The following RALGPS1 variants were observed in gnomAD, a reference collection of about 807,000 sequenced individuals.
RALGPS1 encodes the protein Ral GEF with PH domain and SH3 binding motif 1.
RALGPS1 carries 19 observed loss-of-function variants against 78.8 expected under a neutral mutation model. That is an observed-to-expected ratio of 0.24 (90% CI 0.17 to 0.35). The LOEUF is 0.35. Ranked by LOEUF, RALGPS1 falls within the 10% of genes least tolerant of loss-of-function variation. The pLI is 1.00. For synonymous variants in RALGPS1, 228 were observed against 256.3 expected (o/e 0.89, Z 1.06); for missense variants, 454 against 688.3 (o/e 0.66, Z 3.81).
At position 127,091,990 on chromosome 9, in the gene RALGPS1, C is replaced by A; in HGVS notation, c.610+22634C>A. The A allele has an allele frequency of 6.3e-7, 1 of 1,590,966 alleles. No homozygotes were observed. Among genetic ancestry groups the A allele is most frequent in the Non-Finnish European group, 8.6e-7 (1 of 1,166,824 alleles). On this transcript the variant is annotated intron_variant, in intron 8 of 18. Transcript: ENST00000259351. The surrounding 1 kb of genome is among the most constrained non-coding windows in gnomAD (Gnocchi z 4.3). ...AATGTGGAGCCTGCAGCACCTGCAG[C>A]CAGCAGGCTTGGCTGTCAGACACTC...
chr9:127,044,265 T>C (rs910003579), intron 5 of RALGPS1, among the ~76,000 whole-genome samples: 11 of 152,120 alleles, frequency 7.2e-5, no homozygotes, highest in African/African-American at 2.7e-4. Context: ...TTTTTTTTTT[T>C]CTTTTTTTGA....
At chr9:126,968,043 G>A (rs147651691) in intron 3 of RALGPS1, among the ~76,000 whole-genome samples, 297 of 139,396 alleles carry the variant, frequency 2.1e-3, no homozygotes, top group African/African-American at 7.4e-3. Context: ...TCGCTCTGTC[G>A]CCAGGCTGGA....
chr9:127,181,655 T>C (rs1272998263), intron 11 of RALGPS1, among the ~76,000 whole-genome samples: 1 of 152,130 alleles, frequency 6.6e-6, no homozygotes, highest in Non-Finnish European at 1.5e-5. Context: ...TCTAATCTCC[T>C]TGTTACAACC....
intron 5 of RALGPS1, among the ~76,000 whole-genome samples, chr9:127,049,303 T>C (rs2048086184): frequency 1.3e-5 from 2 of 152,170 alleles, no homozygotes; most frequent in South Asian, 4.1e-4. Context: ...GTGAGTCAGC[T>C]CCACTCTGGT....
At chr9:127,039,868 G>A (rs945971354) in intron 5 of RALGPS1, among the ~76,000 whole-genome samples, 1 of 152,144 alleles carries the variant, frequency 6.6e-6, no homozygotes, top group African/African-American at 2.4e-5. Flanking sequence ...AGAGAGAGCT[G>A]ACTCTGGAAA....
At chr9:127,107,397 C>T in intron 8 of RALGPS1, among the ~76,000 whole-genome samples, 1 of 152,210 alleles carries the variant, frequency 6.6e-6, no homozygotes, top group East Asian at 1.9e-4. Flanking sequence ...TAGACAGCAG[C>T]AGACTCTAGG....
intron 4 of RALGPS1, among the ~76,000 whole-genome samples, chr9:127,024,035 T>G (rs1316742257): frequency 5.2e-5 from 1 of 19,156 alleles, no homozygotes; most frequent in Non-Finnish European, 7.6e-5. Context: ...AGACTCTGTC[T>G]CAAAAAAAAA....
intron 4 of RALGPS1, among the ~76,000 whole-genome samples, chr9:127,002,401 G>A (rs770836081): frequency 6.7e-6 from 1 of 149,568 alleles, no homozygotes; most frequent in South Asian, 2.1e-4. Flanking sequence ...TTCTGGTTTG[G>A]AGCTATTATG....
intron 14 of RALGPS1, among the ~76,000 whole-genome samples, chr9:127,208,566 A>G (rs1215721284): frequency 6.6e-6 from 1 of 152,022 alleles, no homozygotes; most frequent in Admixed American, 6.6e-5. Context: ...GGTGCTTTAC[A>G]CAAAGCTTCG....
At chr9:127,016,218 C>T (rs74481945) in intron 4 of RALGPS1, among the ~76,000 whole-genome samples, 46 of 152,278 alleles carry the variant, frequency 3.0e-4, no homozygotes, top group Non-Finnish European at 5.1e-4. Context: ...CTGTCTCTCT[C>T]GGACTCAACC....
intron 1 of RALGPS1, among the ~76,000 whole-genome samples, chr9:126,953,583 A>C (rs1417499230): frequency 1.3e-5 from 2 of 152,168 alleles, no homozygotes; most frequent in Non-Finnish European, 2.9e-5. Flanking sequence ...AGTTTAATTT[A>C]TCTCTCTGAG....
rs1445813863 is a variant in RALGPS1 at position 126,964,722 on chromosome 9, C to T, written c.58-1122C>T. Among the ~76,000 whole-genome samples the T allele has an allele frequency of 6.7e-5, 10 of 150,364 alleles. 1 individual carries two copies. The highest frequency in any genetic ancestry group is 5.3e-4 in the Admixed American group (8 of 15,062). On this transcript the variant is annotated intron_variant, in intron 2 of 18. Transcript: ENST00000259351. ...AAATCTTTTGATGACACAGGCCTAT[C>T]GAAATCTGCAGGTTTAAGTTCCTGC...
chr9:126,968,924 T>C (rs2039808493), intron 3 of RALGPS1, among the ~76,000 whole-genome samples: 1 of 152,136 alleles, frequency 6.6e-6, no homozygotes, highest in Admixed American at 6.5e-5. Flanking sequence ...GGTGCATGCC[T>C]GTAATCCCAG....
At chr9:127,055,882 G>A (rs1297341811) in intron 7 of RALGPS1, among the ~76,000 whole-genome samples, 1 of 152,210 alleles carries the variant, frequency 6.6e-6, no homozygotes, top group Non-Finnish European at 1.5e-5. Flanking sequence ...AGGCCTTTGG[G>A]TCTCTGTCTT....
chr9:127,006,149 A>G (rs942578219), intron 4 of RALGPS1, among the ~76,000 whole-genome samples: 1 of 152,248 alleles, frequency 6.6e-6, no homozygotes, highest in Non-Finnish European at 1.5e-5. Context: ...AAGAACAGGA[A>G]CAAGACTAGG....
chr9:127,125,116 A>G (rs2056513246), intron 8 of RALGPS1, among the ~76,000 whole-genome samples: 1 of 152,208 alleles, frequency 6.6e-6, no homozygotes, highest in Non-Finnish European at 1.5e-5. Context: ...CCTCATCTGT[A>G]AAATGGGGAT....
At chr9:126,994,134 C>T (rs1026198505) in intron 4 of RALGPS1, among the ~76,000 whole-genome samples, 1 of 152,132 alleles carries the variant, frequency 6.6e-6, no homozygotes, top group Non-Finnish European at 1.5e-5. Flanking sequence ...TCTCCTTCTC[C>T]AAAGGAACAC....
intron 14 of RALGPS1, among the ~76,000 whole-genome samples, chr9:127,201,684 G>A (rs2061639694): frequency 6.6e-6 from 1 of 152,028 alleles, no homozygotes; most frequent in South Asian, 2.1e-4. Flanking sequence ...ACCTTCATGG[G>A]CCCGATGCTT....
intron 7 of RALGPS1, among the ~76,000 whole-genome samples, chr9:127,064,960 T>C (rs985724435): frequency 2.6e-5 from 4 of 152,168 alleles, no homozygotes; most frequent in Admixed American, 1.3e-4. Context: ...GTTTTTTGTT[T>C]TTTTGTTTTG....
Sources: gnomAD v4.1 joint callset for allele counts (sites outside exome capture counted in the v4.1 genomes callset) on GRCh38, gnomAD v4.1.1 for gene constraint, Gnocchi (gnomAD v3.1) non-coding constraint, MANE v1.5 for transcripts, NCBI Gene and HGNC (gene_info 2026-07-23, HGNC 2026-07-21) for gene names.